The following CPT1A variants were observed in gnomAD, a reference collection of about 807,000 sequenced individuals.
CPT1A encodes the protein carnitine O-palmitoyltransferase 1, liver isoform.
CPT1A carries 64 observed loss-of-function variants against 100.8 expected under a neutral mutation model. The observed-to-expected ratio is 0.63, with a 90% CI of 0.52 to 0.78. CPT1A has a LOEUF of 0.78. CPT1A is among the 30% of genes least tolerant of loss of function. The probability of loss-of-function intolerance (pLI) is 0.00; values close to 1 mark genes in which losing one functional copy is unlikely to be tolerated. For synonymous variants in CPT1A, 363 were observed against 396.0 expected (o/e 0.92, Z 0.99); for missense variants, 802 against 1,034.1 (o/e 0.78, Z 3.08).
chr11:68,797,585 G>T (rs1014595204), intron 6 of CPT1A, among the ~76,000 whole-genome samples: 5 of 151,876 alleles, frequency 3.3e-5, no homozygotes, highest in African/African-American at 1.2e-4. Context: ...AGACAGGAGG[G>T]TTACTTGAGC....
chr11:68,775,492 C>T (rs965275786), intron 12 of CPT1A, 60 bp from the exon 13 acceptor site: 22 of 1,286,264 alleles, frequency 1.7e-5, no homozygotes, highest in Middle Eastern at 3.7e-4. Context: ...ACATTAACCT[C>T]CAACATGAAG....
intron 8 of CPT1A, among the ~76,000 whole-genome samples, 183 bp from the exon 9 acceptor site, chr11:68,793,585 A>C (rs1312341608): frequency 6.6e-6 from 1 of 151,946 alleles, no homozygotes; most frequent in Non-Finnish European, 1.5e-5. Flanking sequence ...CTCTACTAAA[A>C]ATACAAAAAA....
At chr11:68,761,718 T>C (rs1854624789) in intron 15 of CPT1A, 31 bp from the exon 16 acceptor site, 1 of 1,613,730 alleles carries the variant, frequency 6.2e-7, no homozygotes, top group Non-Finnish European at 8.5e-7. Context: ...AGGACATATG[T>C]TGCATGTCTC....
intron 9 of CPT1A, 107 bp from the exon 10 acceptor site, chr11:68,785,117 C>T (rs555352091): frequency 1.2e-5 from 11 of 927,644 alleles, no homozygotes; most frequent in Admixed American, 3.9e-5. Flanking sequence ...CCCTGCTCTG[C>T]GTCTCTCCAG....
In CPT1A at chr11:68,841,792, TGCGGCAGCGGCA is replaced by T. The variant is rs528519032; in HGVS notation, c.-43_-32del. 47 of 996,558 alleles carry T rather than the reference TGCGGCAGCGGCA, an allele frequency of 4.7e-5. No individual in the cohort carries two copies. Among genetic ancestry groups the T allele is most frequent in the South Asian group, 1.3e-4 (3 of 22,428 alleles). 61.7% of individuals were successfully genotyped at this position (996,558 alleles called of 1,614,324 possible). A position where few individuals can be genotyped will look rare whatever the true frequency, so the allele number is the denominator to read the frequency against. ...GGCCTCACCGAGTCAGCTACGGAGGTGCGGCAGCGGCAGCGGCAGCGGCGGCGGCGGCGGCGG... is the reference window on the plus strand; with the variant it reads ...GGCCTCACCGAGTCAGCTACGGAGGTGCGGCAGCGGCGGCGGCGGCGGCGG... On this transcript the variant is annotated 5_prime_UTR_variant, in exon 1 of 19. Transcript: ENST00000265641. The surrounding 1 kb of genome is among the most constrained non-coding windows in gnomAD (Gnocchi z 6.3).
intron 1 of CPT1A, among the ~76,000 whole-genome samples, chr11:68,829,864 G>A (rs971347376): frequency 6.6e-6 from 1 of 151,912 alleles, no homozygotes; most frequent in Non-Finnish European, 1.5e-5. Context: ...GTCTGGCATT[G>A]TCATGGGGCC....
chr11:68,829,637 C>A (rs756599419), intron 1 of CPT1A, among the ~76,000 whole-genome samples: 20 of 152,246 alleles, frequency 1.3e-4, no homozygotes, highest in Non-Finnish European at 2.6e-4. Context: ...CACTCGTTCC[C>A]ACAAATCATC....
At chr11:68,826,356 G>A (rs1369619064) in intron 1 of CPT1A, among the ~76,000 whole-genome samples, 1 of 152,048 alleles carries the variant, frequency 6.6e-6, no homozygotes, top group Non-Finnish European at 1.5e-5. Flanking sequence ...TGAGGCAGGA[G>A]AATTGCTTGA....
chr11:68,825,645 T>TC (rs1408968362), intron 1 of CPT1A, among the ~76,000 whole-genome samples: 1 of 151,942 alleles, frequency 6.6e-6, no homozygotes, highest in African/African-American at 2.4e-5. Flanking sequence ...AAGCAGGGCC[T>TC]CCCCCCAGTG....
chr11:68,829,810 C>T (rs879569672), intron 1 of CPT1A, among the ~76,000 whole-genome samples: 18 of 152,150 alleles, frequency 1.2e-4, no homozygotes, highest in Non-Finnish European at 2.6e-4. Flanking sequence ...TCGGAGGTGG[C>T]GGCAACACCC....
Position 68,757,542 on chromosome 11 carries a change from A to G in CPT1A, c.*102T>C. ...TCTGGAAGGAAAACTGAGTTTTTTTAAGAGCAGTGTTTCATCCCGAGCTAA... is the reference window on the plus strand; with the variant it reads ...TCTGGAAGGAAAACTGAGTTTTTTTGAGAGCAGTGTTTCATCCCGAGCTAA... On this transcript the variant is annotated 3_prime_UTR_variant, in exon 19 of 19. Transcript: ENST00000265641. 1 of 1,577,770 alleles carries G rather than the reference A, an allele frequency of 6.3e-7. No individual in the cohort carries two copies. The highest frequency in any genetic ancestry group is 8.6e-7 in the Non-Finnish European group (1 of 1,163,438).
chr11:68,833,345 G>A lies in CPT1A; in HGVS notation c.-14+8430C>T, dbSNP rs115680748. ...AGCAGCTCCTCTTCTCCAGGCAAGT[G>A]TGGGTGTGCGCTCTCTGCACTGTAT... On this transcript the variant is annotated intron_variant, in intron 1 of 18. Coordinates refer to ENST00000265641, the MANE Select transcript of CPT1A (RefSeq NM_001876.4). 8.1e-3 allele frequency among the ~76,000 whole-genome samples: 1,234 copies of A among 152,380 alleles called. 16 individuals are homozygous for A. The highest frequency in any genetic ancestry group is 0.028 in the African/African-American group (1,169 of 41,592).
intron 3 of CPT1A, among the ~76,000 whole-genome samples, chr11:68,810,630 C>T (rs937176859): frequency 3.9e-5 from 6 of 152,160 alleles, no homozygotes; most frequent in East Asian, 1.9e-4. Context: ...AATCAGGGCA[C>T]TTGCTCAAGC....
chr11:68,836,119 T>A (rs774952769), intron 1 of CPT1A, among the ~76,000 whole-genome samples: 1 of 152,202 alleles, frequency 6.6e-6, no homozygotes, highest in Non-Finnish European at 1.5e-5. Flanking sequence ...AATCTGTGGT[T>A]GTATTTTGTG....
intron 3 of CPT1A, among the ~76,000 whole-genome samples, chr11:68,809,480 C>A (rs74492093): frequency 6.6e-6 from 1 of 152,138 alleles, no homozygotes. Context: ...TCACATGACA[C>A]GGATGACTCC....
intron 12 of CPT1A, among the ~76,000 whole-genome samples, chr11:68,776,490 C>A (rs994727712): frequency 6.6e-6 from 1 of 152,114 alleles, no homozygotes; most frequent in African/African-American, 2.4e-5. Context: ...ATAAGATGTC[C>A]AAAATAGGCA....
intron 3 of CPT1A, among the ~76,000 whole-genome samples, chr11:68,811,726 C>T (rs1856214863): frequency 6.6e-6 from 1 of 152,164 alleles, no homozygotes; most frequent in African/African-American, 2.4e-5. Flanking sequence ...GCAGTGCAGG[C>T]TCTGACCTTC....
intron 8 of CPT1A, among the ~76,000 whole-genome samples, chr11:68,793,745 CAAAA>C (rs1289830613): frequency 7.6e-5 from 5 of 66,216 alleles, no homozygotes; most frequent in Admixed American, 3.6e-4. Flanking sequence ...GACTCTGTCT[CAAAA>C]AAAAAAAAAA....
intron 14 of CPT1A, 78 bp from the exon 15 acceptor site, chr11:68,762,839 T>C (rs1854670092): frequency 5.0e-6 from 8 of 1,589,162 alleles, no homozygotes; most frequent in Middle Eastern, 1.7e-4. Flanking sequence ...TGGGTAAGAT[T>C]GGCAAGGAGA....
Sources: gnomAD v4.1 joint callset for allele counts (sites outside exome capture counted in the v4.1 genomes callset) on GRCh38, gnomAD v4.1.1 for gene constraint, Gnocchi (gnomAD v3.1) non-coding constraint, MANE v1.5 for transcripts, NCBI Gene and HGNC (gene_info 2026-07-23, HGNC 2026-07-21) for gene names.